The following CCN3 variants were observed in gnomAD, a reference collection of about 807,000 sequenced individuals.
CCN3 encodes CCN family member 3.
A neutral mutation model predicts 33.4 loss-of-function variants in CCN3; 20 were observed. The observed-to-expected ratio is 0.60, with a 90% CI of 0.42 to 0.87. CCN3 has a LOEUF of 0.87. Ranked by LOEUF, CCN3 falls within the 40% of genes least tolerant of loss-of-function variation. The pLI is 0.00. For missense variants in CCN3, 465 were observed against 455.3 expected (o/e 1.02, Z -0.19); for synonymous variants, 205 against 170.4 (o/e 1.20, Z -1.58).
At chr8:119,421,310 A>T (rs1256564890) in intron 4 of CCN3, among the ~76,000 whole-genome samples, 5 of 152,124 alleles carry the variant, frequency 3.3e-5, no homozygotes, top group Non-Finnish European at 7.4e-5. Flanking sequence ...CGCCCGGCCG[A>T]CAGTGGTTCT....
At chr8:119,421,164 G>A (rs1239851746) in intron 4 of CCN3, among the ~76,000 whole-genome samples, 2 of 151,708 alleles carry the variant, frequency 1.3e-5, no homozygotes, top group Admixed American at 6.6e-5. Flanking sequence ...GATTACAGAC[G>A]CCCTCCACCA....
chr8:119,417,986 C>T, intron 2 of CCN3, 72 bp from the exon 3 acceptor site: 1 of 1,471,426 alleles, frequency 6.8e-7, no homozygotes, highest in Non-Finnish European at 9.3e-7. Flanking sequence ...TCTTACATAG[C>T]TTCTTCACTG....
chr8:119,423,245 T>C lies in CCN3; in HGVS notation c.*113T>C. On this transcript the variant is annotated 3_prime_UTR_variant, in exon 5 of 5. Transcript: ENST00000259526. ...CACGATTTCATCCTTGAATCCTATG[T>C]ATTTTCCTAATGTGATCATATGAGG... 2 of 1,075,574 alleles carry C rather than the reference T, an allele frequency of 1.9e-6. No individual in the cohort carries two copies. The highest frequency in any genetic ancestry group is 1.4e-6 in the Non-Finnish European group (1 of 738,834). 66.6% of individuals were successfully genotyped at this position (1,075,574 alleles called of 1,614,324 possible).
rs1820158556 is a variant in CCN3 at position 119,423,681 on chromosome 8, T to C, written c.*549T>C. The C allele has an allele frequency of 6.5e-6, 1 of 152,692 alleles. No homozygotes were observed. The highest frequency in any genetic ancestry group is 2.4e-5 in the African/African-American group (1 of 41,466). The allele number at this position is 152,692 out of a possible 1,614,324, so 9.5% of individuals were successfully genotyped here. A position where few individuals can be genotyped will look rare whatever the true frequency, so the allele number is the denominator to read the frequency against. ...CTTCAACATGACATCCAGAGATGAC[T>C]ATTACTTTTCTGTTTAGTTTTACAC... On this transcript the variant is annotated 3_prime_UTR_variant, in exon 5 of 5. Coordinates refer to ENST00000259526, the MANE Select transcript of CCN3 (RefSeq NM_002514.4).
At chr8:119,419,017 G>A in intron 3 of CCN3, 114 bp from the exon 4 acceptor site, 3 of 701,758 alleles carry the variant, frequency 4.3e-6, no homozygotes, top group Non-Finnish European at 7.4e-6. Context: ...GAGCATGGGT[G>A]TTTAGTAGGT....
Position 119,419,349 on chromosome 8 carries a change from G to T in CCN3, c.777+4G>T, listed in dbSNP as rs1369396130. The T allele has an allele frequency of 1.2e-6, 2 of 1,612,740 alleles. No homozygotes were observed. The highest frequency in any genetic ancestry group is 3.3e-5 in the Admixed American group (2 of 60,022). On this transcript the variant is annotated splice_donor_region_variant and intron_variant, in intron 4 of 4. Coordinates refer to ENST00000259526, the MANE Select transcript of CCN3 (RefSeq NM_002514.4). ...GCCAGAGCAGCCAACAGATAAGGTA[G>T]GAGCCTGGAGGAAACCTCCCATCCT...
In CCN3 at chr8:119,418,281, G is replaced by T. The variant is rs374859952; in HGVS notation, c.534G>T (p.Glu178Asp). Residue 178 changes from glutamate to aspartate, a missense_variant, in exon 3 of 5, where the codon GAG becomes GAT. Transcript: ENST00000259526. ...CEKWICGPDE[E>D]DSLGGLTLAA... Reference sequence around the variant, plus strand: ...AGTGGATCTGTGGCCCAGATGAGGAGGATTCACTGGGAGGCCTTACCCTTG... The same window carrying T: ...AGTGGATCTGTGGCCCAGATGAGGATGATTCACTGGGAGGCCTTACCCTTG... 3 of 1,613,966 alleles carry T rather than the reference G, an allele frequency of 1.9e-6. No homozygotes were observed. The African/African-American group carries it at 4.0e-5, about 22-fold the overall frequency.
chr8:119,417,047 C>G, intron 2 of CCN3, 78 bp downstream of exon 2: 1 of 1,195,212 alleles, frequency 8.4e-7, no homozygotes, highest in Middle Eastern at 2.0e-4. Context: ...CTTTTGTATT[C>G]CCCTTCCCAG....
Position 119,418,193 on chromosome 8 carries a change from T to C in CCN3, c.446T>C (p.Leu149Pro). ...GTGCCCCGCTGTCAGCTGGATGTGC[T>C]ACTGCCTGAGCCTAACTGCCCAGCT... ...GCVPRCQLDV[L>P]LPEPNCPAPR... The change falls in exon 3 of 5, where the codon CTA becomes CCA. Residue 149 changes from leucine to proline, a missense_variant. Physicochemically the swap from Leu to Pro is moderately conservative, Grantham distance 98 (BLOSUM62 -3). Coordinates refer to ENST00000259526, the MANE Select transcript of CCN3 (RefSeq NM_002514.4). 1.9e-6 allele frequency: 3 copies of C among 1,614,248 alleles called. No individual in the cohort carries two copies. Among genetic ancestry groups the C allele is most frequent in the Non-Finnish European group, 2.5e-6 (3 of 1,180,048 alleles).
chr8:119,423,010 G>A lies in CCN3; in HGVS notation c.952G>A (p.Gly318Arg). The A allele has an allele frequency of 4.3e-6, 7 of 1,614,100 alleles. No individual in the cohort carries two copies. The highest frequency in any genetic ancestry group is 5.1e-6 in the Non-Finnish European group (6 of 1,180,036). The stretch of plus-strand genomic sequence containing the variant: ...CCAGGCAGAGTTTCAGTGCTCCCCA[G>A]GGCAAATAGTCAAGAAGCCAGTGAT... ...TIQAEFQCSPGQIVKKPVMVI... is the reference protein window; with the variant it reads ...TIQAEFQCSPRQIVKKPVMVI... Residue 318 changes from glycine (G) to arginine (R), a missense_variant, in exon 5 of 5, where the codon GGG (glycine) becomes AGG (arginine). By Grantham distance (125) the Gly-to-Arg change is moderately radical (BLOSUM62 -2). Coordinates refer to ENST00000259526, the MANE Select transcript of CCN3 (RefSeq NM_002514.4).
At position 119,416,796 on chromosome 8, in the gene CCN3, C is replaced by T. The variant is rs1259008749; in HGVS notation, c.137C>T (p.Thr46Met). The T allele has an allele frequency of 3.1e-6, 5 of 1,601,178 alleles. No homozygotes were observed. Among genetic ancestry groups the T allele is most frequent in the Admixed American group, 1.7e-5 (1 of 58,342 alleles). Residue 46 changes from threonine to methionine, a missense_variant, in exon 2 of 5, where the codon ACG becomes ATG. Physicochemically the swap from Thr to Met is moderately conservative, Grantham distance 81. Transcript: ENST00000259526. ...PPQCPGRCPA[T>M]PPTCAPGVRA... Reference sequence around the variant, plus strand: ...CAGTGCCCGGGCCGGTGCCCTGCGACGCCGCCGACCTGCGCCCCCGGGGTG... The same window carrying T: ...CAGTGCCCGGGCCGGTGCCCTGCGATGCCGCCGACCTGCGCCCCCGGGGTG...
chr8:119,417,036 TC>T (rs1820061065), intron 2 of CCN3, 67 bp downstream of exon 2: 70 of 1,313,514 alleles, frequency 5.3e-5, no homozygotes, highest in Non-Finnish European at 6.8e-5. Flanking sequence ...TCCTCCCTTC[TC>T]TTTTGTATTC....
Position 119,422,068 on chromosome 8 carries a change from G to T in CCN3, c.778-768G>T, listed in dbSNP as rs140650143. ...TGTAATTGCCTTACAGTTACACATG[G>T]CTGGGGAAACTTCAGGAAACTTACA... On this transcript the variant is annotated intron_variant, in intron 4 of 4. Coordinates refer to ENST00000259526, the MANE Select transcript of CCN3 (RefSeq NM_002514.4). Among the ~76,000 whole-genome samples the T allele has an allele frequency of 5.1e-3, 778 of 152,226 alleles. 6 individuals carry two copies. The highest frequency in any genetic ancestry group is 0.018 in the African/African-American group (738 of 41,540).
chr8:119,418,518 T>G (rs890316473), intron 3 of CCN3, among the ~76,000 whole-genome samples: 3 of 152,240 alleles, frequency 2.0e-5, no homozygotes, highest in African/African-American at 7.2e-5. Context: ...AGAAGGTTGC[T>G]GCAATTTCTC....
intron 4 of CCN3, among the ~76,000 whole-genome samples, chr8:119,420,821 G>A (rs1046387510): frequency 6.6e-6 from 1 of 152,004 alleles, no homozygotes; most frequent in African/African-American, 2.4e-5. Flanking sequence ...ATGCCTCTAA[G>A]ATGTGGCTTT....
chr8:119,422,730 G>A (rs1587237319), intron 4 of CCN3, 106 bp from the exon 5 acceptor site: 1 of 890,876 alleles, frequency 1.1e-6, no homozygotes, highest in East Asian at 2.4e-5. Flanking sequence ...AAAGAAGAAA[G>A]ACCAATAGAT....
intron 3 of CCN3, among the ~76,000 whole-genome samples, 153 bp downstream of exon 3, chr8:119,418,462 T>G (rs1395340562): frequency 1.3e-5 from 2 of 152,252 alleles, no homozygotes; most frequent in Non-Finnish European, 2.9e-5. Flanking sequence ...TCAAACACAT[T>G]TGTAGACATT....
Position 119,423,228 on chromosome 8 carries a change from C to A in CCN3, c.*96C>A. 1.7e-6 allele frequency: 2 copies of A among 1,200,374 alleles called. No individual in the cohort carries two copies. Among genetic ancestry groups the A allele is most frequent in the South Asian group, 2.9e-5 (2 of 68,428 alleles). The allele number at this position is 1,200,374 out of a possible 1,614,324, so 74.4% of individuals were successfully genotyped here. A position where few individuals can be genotyped will look rare whatever the true frequency, so the allele number is the denominator to read the frequency against. On this transcript the variant is annotated 3_prime_UTR_variant, in exon 5 of 5. Coordinates refer to ENST00000259526, the MANE Select transcript of CCN3 (RefSeq NM_002514.4). The stretch of plus-strand genomic sequence containing the variant: ...GAAAAGTAATGAAGAATCACGATTT[C>A]ATCCTTGAATCCTATGTATTTTCCT...
At chr8:119,417,677 G>A (rs1412995856) in intron 2 of CCN3, among the ~76,000 whole-genome samples, 1 of 152,206 alleles carries the variant, frequency 6.6e-6, no homozygotes, top group Non-Finnish European at 1.5e-5. Flanking sequence ...TAACCTGTTG[G>A]AAAACATAAA....
Sources: gnomAD v4.1 joint callset for allele counts (sites outside exome capture counted in the v4.1 genomes callset) on GRCh38, gnomAD v4.1.1 for gene constraint, MANE v1.5 for transcripts, NCBI Gene and HGNC (gene_info 2026-07-23, HGNC 2026-07-21) for gene names.